The following NUBP1 variants were observed in gnomAD, a reference collection of about 807,000 sequenced individuals.
NUBP1 encodes NUBP iron-sulfur cluster assembly factor 1, cytosolic, also known as cytosolic Fe-S cluster assembly factor NUBP1.
In NUBP1, 46 loss-of-function variants were observed where a neutral mutation model predicts 41.8. That is an observed-to-expected ratio of 1.10 (90% CI 0.87 to 1.41). The LOEUF is 1.41. NUBP1 is among the 40% of genes most tolerant of loss of function. The probability of loss-of-function intolerance (pLI) is 0.00; values close to 1 mark genes in which losing one functional copy is unlikely to be tolerated. For missense variants in NUBP1, 494 were observed against 414.0 expected, an observed-to-expected ratio of 1.19 and a Z score of -1.68; for synonymous variants, 189 against 154.6, an observed-to-expected ratio of 1.22 and a Z score of -1.65.
rs752342609 is a variant in NUBP1, at chr16:10,747,259, G to A, written c.241G>A (p.Glu81Lys). 3.1e-6 allele frequency: 5 copies of A among 1,613,886 alleles called. No homozygotes were observed. The African/African-American group carries it at 4.0e-5, about 13-fold the overall frequency. ...FSAHLAHGLA[E>K]DENTQIALLD... Reference sequence around the variant, plus strand: ...CGCCCACCTTGCCCATGGCCTAGCAGAGGATGAAAACACACAGGTGAGACC... The same window carrying A: ...CGCCCACCTTGCCCATGGCCTAGCAAAGGATGAAAACACACAGGTGAGACC... The change falls in exon 3 of 11, where the codon GAG (glutamate) becomes AAG (lysine). Residue 81 changes from glutamate (E) to lysine (K), a missense_variant. Physicochemically the swap from Glu to Lys is moderately conservative, Grantham distance 56. Coordinates refer to ENST00000283027, the MANE Select transcript of NUBP1 (RefSeq NM_002484.4).
At chr16:10,763,010 G>A (rs971729093) in intron 9 of NUBP1, among the ~76,000 whole-genome samples, 13 of 152,138 alleles carry the variant, frequency 8.5e-5, no homozygotes, top group Admixed American at 5.9e-4. Flanking sequence ...GGGTTCTGGC[G>A]TTGGTGTAGA....
At position 10,749,120 on chromosome 16, in the gene NUBP1, GACACATACACACACACACACACACACAC is replaced by G. The variant is rs1900194011; in HGVS notation, c.258+1850_258+1877del. Among the ~76,000 whole-genome samples the G allele has an allele frequency of 1.1e-5, 1 of 92,342 alleles. No individual in the cohort carries two copies. The highest frequency in any genetic ancestry group is 3.9e-5 in the African/African-American group (1 of 25,744). The allele number at this position is 92,342 out of a possible 152,430, so 60.6% of individuals were successfully genotyped here. On this transcript the variant is annotated intron_variant, in intron 3 of 10. Transcript: ENST00000283027. The surrounding 1 kb of genome is among the most constrained non-coding windows in gnomAD (Gnocchi z 4.1). ...AAAAAAGGATATAGATAGATACACA[GACACATACACACACACACACACACACAC>G]ACACACACACACACACACACACGTT...
chr16:10,754,856 C>T (rs994505381), intron 4 of NUBP1, among the ~76,000 whole-genome samples: 1 of 151,894 alleles, frequency 6.6e-6, no homozygotes, highest in Non-Finnish European at 1.5e-5. Context: ...ACCAGGCTGG[C>T]CAACATGGTG....
In NUBP1 at chr16:10,766,774, A is replaced by G. The variant is rs1383941430; in HGVS notation, c.821-1175A>G. On this transcript the variant is annotated intron_variant, in intron 9 of 10. Coordinates refer to ENST00000283027, the MANE Select transcript of NUBP1 (RefSeq NM_002484.4). This position sits in a 1 kb window ranked among gnomAD's most constrained non-coding sequence, Gnocchi z 4.8. ...TAGGGGCTCAAAGGCCCCATTACAG[A>G]GTTTTTGTGTTTAAATACCCTCTAC... 5.0e-6 allele frequency: 2 copies of G among 396,832 alleles called. No homozygotes were observed. The highest frequency in any genetic ancestry group is 1.4e-4 in the South Asian group (1 of 7,004). The allele number at this position is 396,832 out of a possible 1,614,324, so 24.6% of individuals were successfully genotyped here. A position where few individuals can be genotyped will look rare whatever the true frequency, so the allele number is the denominator to read the frequency against.
intron 3 of NUBP1, among the ~76,000 whole-genome samples, chr16:10,752,206 G>T (rs1024183821): frequency 6.6e-6 from 1 of 152,252 alleles, no homozygotes; most frequent in Non-Finnish European, 1.5e-5. Flanking sequence ...GTGAGCAAAA[G>T]AGAGCTGTTT....
chr16:10,759,159 T>C lies in NUBP1; in HGVS notation c.606+1132T>C, dbSNP rs1451684072. Among the ~76,000 whole-genome samples the C allele has an allele frequency of 1.3e-5, 2 of 152,232 alleles. No individual in the cohort carries two copies. Among genetic ancestry groups the C allele is most frequent in the Non-Finnish European group, 2.9e-5 (2 of 68,040 alleles). ...CACTCACTGAGCTCTGACTCTGACA[T>C]GCCGGGCACCAGGGCAGTAAAAAGG... On this transcript the variant is annotated intron_variant, in intron 7 of 10. Transcript: ENST00000283027. The surrounding 1 kb of genome is among the most constrained non-coding windows in gnomAD (Gnocchi z 4.7).
chr16:10,760,991 T>G (rs1900920055), intron 7 of NUBP1: 1 of 193,096 alleles, frequency 5.2e-6, no homozygotes, highest in South Asian at 1.0e-4. Context: ...ACAATCATGG[T>G]GGAAGGCAAA....
chr16:10,763,415 A>G (rs1352771037), intron 9 of NUBP1: 2 of 152,280 alleles, frequency 1.3e-5, no homozygotes, highest in African/African-American at 4.8e-5. Flanking sequence ...CAGAGACCCC[A>G]TGTGCCCAGG....
In NUBP1 at chr16:10,766,119, A is replaced by C. The variant is rs2030839432; in HGVS notation, c.821-1830A>C. On this transcript the variant is annotated intron_variant, in intron 9 of 10. Transcript: ENST00000283027. The surrounding 1 kb of genome is among the most constrained non-coding windows in gnomAD (Gnocchi z 4.8). ...ATGGTGGCAAAGAGTTACAGATGCC[A>C]GCGCTCTGGTGCTATGGGTCCTGGT... 6.6e-6 allele frequency: 1 copy of C among 152,438 alleles called. No individual in the cohort carries two copies. The highest frequency in any genetic ancestry group is 1.5e-5 in the Non-Finnish European group (1 of 68,222). 9.4% of individuals were successfully genotyped at this position (152,438 alleles called of 1,614,324 possible). A position where few individuals can be genotyped will look rare whatever the true frequency, so the allele number is the denominator to read the frequency against.
At position 10,749,312 on chromosome 16, in the gene NUBP1, G is replaced by A. The variant is rs1474291351; in HGVS notation, c.258+2036G>A. Among the ~76,000 whole-genome samples, 1 of 152,138 alleles carries A rather than the reference G, an allele frequency of 6.6e-6. No individual in the cohort carries two copies. The highest frequency in any genetic ancestry group is 2.4e-5 in the African/African-American group (1 of 41,428). On this transcript the variant is annotated intron_variant, in intron 3 of 10. Transcript: ENST00000283027. This position sits in a 1 kb window ranked among gnomAD's most constrained non-coding sequence, Gnocchi z 4.1. ...AATCTTTGCTTTTCGAAGCTGTCAG[G>A]AATATTCCTAAACAGCTCACTGGAG...
chr16:10,761,819 G>A lies in NUBP1; in HGVS notation c.780G>A (p.Glu260=). Residue 260 remains glutamate, a synonymous_variant, in exon 9 of 11, where the codon GAG becomes GAA. Coordinates refer to ENST00000283027, the MANE Select transcript of NUBP1 (RefSeq NM_002484.4). The stretch of plus-strand genomic sequence containing the variant: ...CGGAGCTCATGTGCCAGGACTTGGA[G>A]GTCCCTCTCCTCGGCAGAGTGCCCC... The part of the protein sequence containing the change: ...GGAELMCQDL[E]VPLLGRVPLD... 1 of 1,614,126 alleles carries A rather than the reference G, an allele frequency of 6.2e-7. No individual in the cohort carries two copies. Among genetic ancestry groups the A allele is most frequent in the Non-Finnish European group, 8.5e-7 (1 of 1,179,988 alleles).
In NUBP1 at chr16:10,768,206, G is replaced by C. The variant is rs548150546; in HGVS notation, c.904+174G>C. 2.1e-6 allele frequency: 1 copy of C among 479,600 alleles called. No homozygotes were observed. The highest frequency in any genetic ancestry group is 3.4e-5 in the East Asian group (1 of 29,782). 29.7% of individuals were successfully genotyped at this position (479,600 alleles called of 1,614,324 possible). On this transcript the variant is annotated intron_variant, in intron 10 of 10. Transcript: ENST00000283027. This position sits in a 1 kb window ranked among gnomAD's most constrained non-coding sequence, Gnocchi z 4.3. ...AAATCTCTCAATGTGTGAGTATTGT[G>C]AATTAATTCATAGTTTAAAAAACAT...
rs777149995 is a variant in NUBP1 at position 10,749,120 on chromosome 16, G to GACACACACAC, written c.258+1849_258+1850insCACACACACA. Among the ~76,000 whole-genome samples the GACACACACAC allele has an allele frequency of 5.3e-3, 486 of 92,344 alleles. 20 individuals are homozygous for GACACACACAC. The highest frequency in any genetic ancestry group is 0.017 in the African/African-American group (439 of 25,778). The allele number at this position is 92,344 out of a possible 152,430, so 60.6% of individuals were successfully genotyped here. On this transcript the variant is annotated intron_variant, in intron 3 of 10. Transcript: ENST00000283027. This position sits in a 1 kb window ranked among gnomAD's most constrained non-coding sequence, Gnocchi z 4.1. ...AAAAAAGGATATAGATAGATACACA[G>GACACACACAC]ACACATACACACACACACACACACA...
intron 2 of NUBP1, among the ~76,000 whole-genome samples, chr16:10,745,397 G>C (rs1469261726): frequency 6.6e-6 from 1 of 152,112 alleles, no homozygotes; most frequent in Non-Finnish European, 1.5e-5. Context: ...GGAGGTTGCA[G>C]TGAGCTGAGA....
chr16:10,746,225 T>G (rs1210301283), intron 2 of NUBP1, among the ~76,000 whole-genome samples: 1 of 152,210 alleles, frequency 6.6e-6, no homozygotes, highest in Non-Finnish European at 1.5e-5. Flanking sequence ...TTAATTTCCT[T>G]TATACCTCGT....
In NUBP1 at chr16:10,756,511, C is replaced by CT. The variant is rs35641503; in HGVS notation, c.361-167dup. 3.7e-3 allele frequency among the ~76,000 whole-genome samples: 535 copies of CT among 146,018 alleles called. 4 individuals are homozygous for CT. The highest frequency in any genetic ancestry group is 0.016 in the East Asian group (81 of 5,080). On this transcript the variant is annotated intron_variant, in intron 5 of 10. Coordinates refer to ENST00000283027, the MANE Select transcript of NUBP1 (RefSeq NM_002484.4). Reference sequence around the variant, plus strand: ...CTTTCAAATCCCCCAACATGGTACCCTTTTTTTTTTTTCCAAAAATGATTT... The same window carrying CT: ...CTTTCAAATCCCCCAACATGGTACCCTTTTTTTTTTTTTCCAAAAATGATTT...
At chr16:10,756,861 C>T (rs556998062) in intron 6 of NUBP1, 81 bp downstream of exon 6, 5 of 1,072,288 alleles carry the variant, frequency 4.7e-6, no homozygotes, top group African/African-American at 3.3e-5. Flanking sequence ...CCCTGTCCTG[C>T]CAGTCTCAGC....
intron 9 of NUBP1, among the ~76,000 whole-genome samples, chr16:10,764,101 C>G (rs2030464578): frequency 6.6e-6 from 1 of 152,042 alleles, no homozygotes; most frequent in Non-Finnish European, 1.5e-5. Flanking sequence ...AGTATCTCAG[C>G]CCACAGGAGT....
intron 2 of NUBP1, 35 bp downstream of exon 2, chr16:10,744,100 A>T: frequency 8.2e-7 from 1 of 1,220,422 alleles, no homozygotes; most frequent in Non-Finnish European, 1.1e-6. Context: ...AGGAACTTAG[A>T]GGCGCAGGCC....
Sources: allele counts gnomAD v4.1 joint callset (sites outside exome capture counted in the v4.1 genomes callset), GRCh38; gene constraint gnomAD v4.1.1; non-coding constraint Gnocchi (gnomAD v3.1); transcripts MANE v1.5; gene names NCBI Gene and HGNC (gene_info 2026-07-23, HGNC 2026-07-21).